FASN: variants seen among roughly 807,000 people sequenced by gnomAD.
FASN encodes the protein 3-hydroxyacyl-[acyl-carrier-protein] dehydratase.
Under a neutral mutation model 250.0 loss-of-function variants are expected in FASN, and 50 were observed. The observed-to-expected ratio is 0.20, with a 90% CI of 0.16 to 0.25. FASN has a LOEUF of 0.25. Ranked by LOEUF, FASN falls within the 10% of genes least tolerant of loss-of-function variation. The probability of loss-of-function intolerance (pLI) is 1.00; values close to 1 mark genes in which losing one functional copy is unlikely to be tolerated. For synonymous variants in FASN, 1,909 were observed against 1,584.0 expected (o/e 1.21, Z -4.87); for missense variants, 3,031 against 3,498.5 (o/e 0.87, Z 3.37).
rs1254701998 is a variant in FASN at position 82,084,964 on chromosome 17, A to T, written c.4410-11T>A. 2 of 1,557,288 alleles carry T rather than the reference A, an allele frequency of 1.3e-6. No homozygotes were observed. The highest frequency in any genetic ancestry group is 1.9e-5 in the Admixed American group (1 of 52,138). On this transcript the variant is annotated splice_polypyrimidine_tract_variant and intron_variant, in intron 25 of 42. Coordinates refer to ENST00000306749, the MANE Select transcript of FASN (RefSeq NM_004104.5). ...GAGAGCAGCACACACCTGGGGGCAG[A>T]GGCGGGGAGCTCAGGCTGGGGATGG...
rs747836028 is a variant in FASN at position 82,087,201 on chromosome 17, G to A, written c.3276C>T (p.Val1092=). 5.6e-6 allele frequency: 9 copies of A among 1,605,632 alleles called. No individual in the cohort carries two copies. The Admixed American group carries it at 1.4e-4, about 25-fold the overall frequency. ...ACTCAGTGTGGAGCCCGGAGATGTG[G>A]ACGCCTCCGGCCACTGTGACCCTCA... ...RWLRVTVAGG[V]HISGLHTESA... Residue 1092 remains valine, a synonymous_variant, in exon 21 of 43, where the codon GTC becomes GTT. Transcript: ENST00000306749.
At chr17:82,085,948 A>G (rs1018838967) in intron 22 of FASN, 77 bp from the exon 23 acceptor site, 10 of 1,435,072 alleles carry the variant, frequency 7.0e-6, no homozygotes, top group Non-Finnish European at 7.3e-6. Flanking sequence ...AATGTCCATG[A>G]GGCCTCAGTC....
At position 82,079,399 on chromosome 17, in the gene FASN, G is replaced by T. The variant is rs373461796; in HGVS notation, c.7356C>A (p.Gly2452=). 2 of 1,612,990 alleles carry T rather than the reference G, an allele frequency of 1.2e-6. No homozygotes were observed. The highest frequency in any genetic ancestry group is 1.7e-6 in the Non-Finnish European group (2 of 1,179,998). Residue 2452 remains glycine, a synonymous_variant, in exon 42 of 43, where the codon GGC becomes GGA. Transcript: ENST00000306749. The part of the protein sequence containing the change: ...NVMLLRAKTG[G]AYGEDLGADY... ...CCGCGCCCAGGTCCTCGCCGTAGGC[G>T]CCACCCGTCTTGGCGCGCAGTAGCA...
Position 82,088,217 on chromosome 17 carries a change from A to G in FASN, c.2684T>C (p.Val895Ala), listed in dbSNP as rs1598579409. 1 of 1,611,558 alleles carries G rather than the reference A, an allele frequency of 6.2e-7. No homozygotes were observed. The highest frequency in any genetic ancestry group is 2.2e-5 in the East Asian group (1 of 44,866). Residue 895 changes from valine (V) to alanine (A), a missense_variant, in exon 17 of 43, where the codon GTG becomes GCG. Transcript: ENST00000306749. ...CAGGGCGCGGGCCAGCGTCTTCCACACTATGCTCAGGTAGCCAGTGGCGGG... is the reference window on the plus strand; with the variant it reads ...CAGGGCGCGGGCCAGCGTCTTCCACGCTATGCTCAGGTAGCCAGTGGCGGG... ...LFPATGYLSI[V>A]WKTLARALGL... is the part of the protein sequence containing the mutation.
intron 2 of FASN, among the ~76,000 whole-genome samples, 180 bp downstream of exon 2, chr17:82,096,139 G>A (rs548827383): frequency 6.6e-6 from 1 of 152,242 alleles, no homozygotes; most frequent in Non-Finnish European, 1.5e-5. Flanking sequence ...CTGGTGCAAT[G>A]TCCAGGAAGG....
intron 9 of FASN, 64 bp downstream of exon 9, chr17:82,091,158 C>T (rs1397604539): frequency 6.2e-7 from 1 of 1,601,472 alleles, no homozygotes; most frequent in Non-Finnish European, 8.5e-7. Context: ...AGGGGACCAC[C>T]AGCTCCAGTT....
chr17:82,080,682 C>T lies in FASN; in HGVS notation c.6826+10G>A. On this transcript the variant is annotated intron_variant, in intron 39 of 42. Transcript: ENST00000306749. ...CTGACCACCGCTTCCAGAGGAGGGCCCGGGAGTACCTCGGGTGCACTGCAG... is the reference window on the plus strand; with the variant it reads ...CTGACCACCGCTTCCAGAGGAGGGCTCGGGAGTACCTCGGGTGCACTGCAG... 6 of 1,574,362 alleles carry T rather than the reference C, an allele frequency of 3.8e-6. No homozygotes were observed. The highest frequency in any genetic ancestry group is 4.3e-6 in the Non-Finnish European group (5 of 1,160,576).
intron 41 of FASN, 136 bp downstream of exon 41, chr17:82,080,004 G>A (rs950164369): frequency 4.1e-6 from 4 of 982,184 alleles, no homozygotes; most frequent in African/African-American, 3.2e-5. Context: ...AACCGCATCC[G>A]GCCGGGATCG....
At position 82,081,853 on chromosome 17, in the gene FASN, A is replaced by C; in HGVS notation, c.6164-10T>G. 1 of 1,523,768 alleles carries C rather than the reference A, an allele frequency of 6.6e-7. No homozygotes were observed. The highest frequency in any genetic ancestry group is 1.8e-5 in the Admixed American group (1 of 54,990). The allele number at this position is 1,523,768 out of a possible 1,614,324, so 94.4% of individuals were successfully genotyped here. ...CACTGCACGGCCAGGCCTGTGGGGG[A>C]GGGGGCAGGTGGGCAGAGCTGCGGG... On this transcript the variant is annotated splice_polypyrimidine_tract_variant and intron_variant, in intron 36 of 42. Coordinates refer to ENST00000306749, the MANE Select transcript of FASN (RefSeq NM_004104.5).
chr17:82,090,906 C>T lies in FASN; in HGVS notation c.1656G>A (p.Ser552=), dbSNP rs755304075. 17 of 1,601,902 alleles carry T rather than the reference C, an allele frequency of 1.1e-5. No homozygotes were observed. The highest frequency in any genetic ancestry group is 6.7e-5 in the African/African-American group (5 of 74,558). ...CCTGGATGGCAGTCAGGCTCACAAA[C>T]GAATGGACGATGTCATCAAAGGTGC... ...DESTFDDIVH[S]FVSLTAIQIG... The change falls in exon 10 of 43, where the codon TCG becomes TCA. Residue 552 remains serine, a synonymous_variant. Transcript: ENST00000306749.
chr17:82,084,730 G>A lies in FASN; in HGVS notation c.4565-14C>T, dbSNP rs202211863. On this transcript the variant is annotated splice_polypyrimidine_tract_variant and intron_variant, in intron 26 of 42. Transcript: ENST00000306749. ...CCTCAGGCTTGTCTAGGGAAACAGG[G>A]AGGTGGGGCTGCTGCGGGGCCTTCG... The A allele has an allele frequency of 5.8e-6, 9 of 1,554,534 alleles. No individual in the cohort carries two copies. In the African/African-American group the frequency reaches 8.2e-5, roughly 14 times the overall value.
Position 82,089,115 on chromosome 17 carries a change from C to T in FASN, c.2158G>A (p.Ala720Thr), listed in dbSNP as rs1647017953. ...CGTGCCAGGCTGCTGTGCCACTGGG[C>T]CTCGGGGATAGAGGTGCTGAGCCAG... ...ARWLSTSIPE[A>T]QWHSSLARTS... Residue 720 changes from alanine (A) to threonine (T), a missense_variant, in exon 14 of 43, where the codon GCC becomes ACC. By Grantham distance (58) the Ala-to-Thr change is moderately conservative (BLOSUM62 0). Coordinates refer to ENST00000306749, the MANE Select transcript of FASN (RefSeq NM_004104.5). 1 of 1,567,802 alleles carries T rather than the reference C, an allele frequency of 6.4e-7. No homozygotes were observed. The highest frequency in any genetic ancestry group is 1.2e-5 in the South Asian group (1 of 86,162).
chr17:82,093,893 C>G (rs971967716), intron 3 of FASN, 122 bp from the exon 4 acceptor site: 3 of 1,006,530 alleles, frequency 3.0e-6, no homozygotes, highest in African/African-American at 2.1e-5. Flanking sequence ...GAGGGGGGGT[C>G]CATCCCAGTG....
chr17:82,086,691 T>C, intron 21 of FASN, 133 bp from the exon 22 acceptor site: 1 of 760,498 alleles, frequency 1.3e-6, no homozygotes, highest in Non-Finnish European at 2.2e-6. Context: ...TAGCTGAGGG[T>C]TGAGGAAGGG....
rs779145049 is a variant in FASN, at chr17:82,082,647, C to T, written c.5799G>A (p.Arg1933=). ...GYQAKQVRRW[R]RQGVQVQVST... ...ACACCTGCACCTGTACGCCCTGGCGCCTCCACCGGCGGACCTGCTTGGCCT... is the reference window on the plus strand; with the variant it reads ...ACACCTGCACCTGTACGCCCTGGCGTCTCCACCGGCGGACCTGCTTGGCCT... Residue 1933 remains arginine, a synonymous_variant, in exon 34 of 43, where the codon AGG becomes AGA. Transcript: ENST00000306749. The T allele has an allele frequency of 1.9e-6, 3 of 1,610,276 alleles. No homozygotes were observed. The South Asian group carries it at 3.3e-5, about 18-fold the overall frequency.
intron 2 of FASN, among the ~76,000 whole-genome samples, chr17:82,096,054 T>C (rs1325777209): frequency 6.6e-6 from 1 of 152,160 alleles, no homozygotes; most frequent in East Asian, 1.9e-4. Flanking sequence ...CTTGCAGCCA[T>C]TGGGGGAGCC....
intron 5 of FASN, 62 bp downstream of exon 5, chr17:82,093,157 T>TGTGC: frequency 6.5e-7 from 1 of 1,538,078 alleles, no homozygotes; most frequent in East Asian, 2.4e-5. Flanking sequence ...GCGTGGGGAC[T>TGTGC]GTGCGGGGGG....
chr17:82,094,469 C>A (rs2034269914), intron 3 of FASN, among the ~76,000 whole-genome samples: 1 of 151,590 alleles, frequency 6.6e-6, no homozygotes, highest in Non-Finnish European at 1.5e-5. Flanking sequence ...AGGTCCTTCT[C>A]CGCCCGGGGA....
chr17:82,087,896 G>A (rs773387992), intron 18 of FASN, 35 bp from the exon 19 acceptor site: 41 of 1,612,020 alleles, frequency 2.5e-5, no homozygotes, highest in Non-Finnish European at 3.2e-5. Context: ...GCCTGAGGAC[G>A]GGCGGCATGG....
Sources: gnomAD v4.1 joint callset for allele counts (sites outside exome capture counted in the v4.1 genomes callset) on GRCh38, gnomAD v4.1.1 for gene constraint, MANE v1.5 for transcripts, NCBI Gene and HGNC (gene_info 2026-07-23, HGNC 2026-07-21) for gene names.